Variants in VSTM4 observed in about 807,000 individuals in gnomAD.
The protein encoded by VSTM4 is V-set and transmembrane domain-containing protein 4.
In VSTM4, 20 loss-of-function variants were observed where a neutral mutation model predicts 36.4. The observed-to-expected ratio is 0.55, with a 90% CI of 0.39 to 0.80. The LOEUF is 0.80. VSTM4 is among the 30% of genes least tolerant of loss of function. The pLI is 0.00. For missense variants in VSTM4, 392 were observed against 404.5 expected (o/e 0.97, Z 0.26); for synonymous variants, 182 against 173.9 (o/e 1.05, Z -0.37).
intron 4 of VSTM4, among the ~76,000 whole-genome samples, chr10:49,069,847 T>C (rs1590104548): frequency 6.6e-6 from 1 of 152,182 alleles, no homozygotes; most frequent in Admixed American, 6.5e-5. Flanking sequence ...TAGTCCCACA[T>C]GGCAGCCATG....
chr10:49,102,517 T>A, intron 2 of VSTM4: 1 of 985,432 alleles, frequency 1.0e-6, no homozygotes, highest in Non-Finnish European at 1.2e-6. Flanking sequence ...TAATGTTGTG[T>A]CTACAGTGCT....
chr10:49,079,424 A>G lies in VSTM4; in HGVS notation c.527-2098T>C, dbSNP rs529701646. Among the ~76,000 whole-genome samples, 7 of 152,332 alleles carry G rather than the reference A, an allele frequency of 4.6e-5. No homozygotes were observed. In the South Asian group the frequency reaches 8.3e-4, roughly 18 times the overall value. On this transcript the variant is annotated intron_variant, in intron 3 of 7. Coordinates refer to ENST00000332853, the MANE Select transcript of VSTM4 (RefSeq NM_001031746.5). ...ATCAACGTTATCATTAGTCTGATCA[A>G]TACAATGCCAAGCTGCTCAGAAAGT... is the stretch of plus-strand genomic sequence containing the variant.
intron 1 of VSTM4, among the ~76,000 whole-genome samples, chr10:49,110,371 T>A (rs1844870748): frequency 6.6e-6 from 1 of 152,102 alleles, no homozygotes; most frequent in South Asian, 2.1e-4. Context: ...CAGGACAGGG[T>A]CAGGGGATCC....
At chr10:49,085,749 G>A (rs556980015) in intron 3 of VSTM4, among the ~76,000 whole-genome samples, 4 of 152,104 alleles carry the variant, frequency 2.6e-5, no homozygotes, top group Non-Finnish European at 5.9e-5. Context: ...GTGGGGTGGG[G>A]GAAAGGGGGA....
chr10:49,078,523 G>GGA (rs777859575), intron 3 of VSTM4, among the ~76,000 whole-genome samples: 3 of 137,966 alleles, frequency 2.2e-5, no homozygotes, highest in Non-Finnish European at 4.7e-5. Flanking sequence ...TACGCTGAGT[G>GGA]AAAAAAAAAA....
At chr10:49,055,096 AC>A (rs142702752) in intron 5 of VSTM4, among the ~76,000 whole-genome samples, 2,357 of 152,258 alleles carry the variant, frequency 0.015, 18 homozygotes, top group Non-Finnish European at 0.024. Flanking sequence ...GAACTGGGAC[AC>A]CTAGGGATGT....
chr10:49,034,186 A>G (rs1012020419), intron 7 of VSTM4, among the ~76,000 whole-genome samples: 22 of 79,622 alleles, frequency 2.8e-4, no homozygotes, highest in Non-Finnish European at 7.1e-4. Context: ...CACTACCATT[A>G]TCACCACCAT....
chr10:49,026,868 C>G (rs1843269938), intron 7 of VSTM4, among the ~76,000 whole-genome samples: 1 of 152,214 alleles, frequency 6.6e-6, no homozygotes. Flanking sequence ...CATCCTGTGA[C>G]TGCTGAAAGT....
In VSTM4 at chr10:49,045,615, G is replaced by T. The variant is rs140890822; in HGVS notation, c.837+1368C>A. Among the ~76,000 whole-genome samples, 14 of 152,286 alleles carry T rather than the reference G, an allele frequency of 9.2e-5. No individual in the cohort carries two copies. The East Asian group carries it at 1.9e-3, about 21-fold the overall frequency. Reference sequence around the variant, plus strand: ...TTCATGACATGCCTCCCTTCTGGAGGTGGAGCTCAACTCTCCTCACCTTGA... The same window carrying T: ...TTCATGACATGCCTCCCTTCTGGAGTTGGAGCTCAACTCTCCTCACCTTGA... On this transcript the variant is annotated intron_variant, in intron 7 of 7. Coordinates refer to ENST00000332853, the MANE Select transcript of VSTM4 (RefSeq NM_001031746.5).
At chr10:49,025,278 G>A (rs1843242837) in intron 7 of VSTM4, among the ~76,000 whole-genome samples, 2 of 152,076 alleles carry the variant, frequency 1.3e-5, no homozygotes, top group South Asian at 4.2e-4. Flanking sequence ...AGAAGAGAAT[G>A]GAAGAAAAGA....
intron 5 of VSTM4, among the ~76,000 whole-genome samples, chr10:49,062,429 G>T: frequency 6.6e-6 from 1 of 152,194 alleles, no homozygotes; most frequent in East Asian, 1.9e-4. Flanking sequence ...CTGGAGGACA[G>T]TTTTGCTGGA....
chr10:49,091,267 C>T (rs949497533), intron 2 of VSTM4, among the ~76,000 whole-genome samples: 1 of 152,222 alleles, frequency 6.6e-6, no homozygotes. Context: ...TCCGGGGAGG[C>T]AGTGGCCCAG....
chr10:49,042,502 C>T (rs1843536916), intron 7 of VSTM4, among the ~76,000 whole-genome samples: 1 of 152,196 alleles, frequency 6.6e-6, no homozygotes, highest in Admixed American at 6.5e-5. Flanking sequence ...AGCAGCTAGG[C>T]CCAGACTCCG....
chr10:49,053,884 G>T (rs112286030), intron 5 of VSTM4, among the ~76,000 whole-genome samples: 1 of 152,214 alleles, frequency 6.6e-6, no homozygotes, highest in Non-Finnish European at 1.5e-5. Context: ...ATTCCTGAGC[G>T]ATGGGCAGCC....
At chr10:49,085,375 T>C (rs1386287537) in intron 3 of VSTM4, among the ~76,000 whole-genome samples, 1 of 152,258 alleles carries the variant, frequency 6.6e-6, no homozygotes, top group Non-Finnish European at 1.5e-5. Context: ...TGAGTGATTC[T>C]AGCATGGGTT....
chr10:49,091,376 C>T (rs1226869326), intron 2 of VSTM4, among the ~76,000 whole-genome samples: 3 of 152,224 alleles, frequency 2.0e-5, no homozygotes, highest in African/African-American at 7.2e-5. Context: ...GTCACTGCCC[C>T]TCTGTTGAAG....
intron 7 of VSTM4, 42 bp from the exon 8 acceptor site, chr10:49,019,817 C>A: frequency 2.5e-6 from 4 of 1,591,106 alleles, no homozygotes; most frequent in Non-Finnish European, 2.6e-6. Context: ...TCTAGCTGAC[C>A]ACAGGAGCTC....
chr10:49,055,739 T>C (rs535078476), intron 5 of VSTM4, among the ~76,000 whole-genome samples: 4 of 152,340 alleles, frequency 2.6e-5, no homozygotes, highest in African/African-American at 9.6e-5. Context: ...TCAAGATGGA[T>C]GAATGGTGCC....
intron 2 of VSTM4, among the ~76,000 whole-genome samples, chr10:49,106,742 C>G (rs75047178): frequency 0.031 from 4,753 of 152,344 alleles, 238 homozygotes; most frequent in African/African-American, 0.11. Flanking sequence ...GGGTGGGAGG[C>G]TGAGCACTGA....
Sources: gnomAD v4.1 joint callset for allele counts (sites outside exome capture counted in the v4.1 genomes callset) on GRCh38, gnomAD v4.1.1 for gene constraint, MANE v1.5 for transcripts, NCBI Gene and HGNC (gene_info 2026-07-23, HGNC 2026-07-21) for gene names.